Variants in MCC observed in about 807,000 individuals in gnomAD.
MCC encodes the protein colorectal mutant cancer protein.
A neutral mutation model predicts 116.2 loss-of-function variants in MCC; 90 were observed. That is an observed-to-expected ratio of 0.77 (90% CI 0.65 to 0.92). The LOEUF (loss-of-function observed/expected upper bound fraction) is 0.92, where lower values mean the gene tolerates loss of function less well. Among genes scored for constraint, MCC ranks in the 40% least tolerant of loss-of-function variants. MCC has a pLI of 0.00. For synonymous variants in MCC, 578 were observed against 510.5 expected, an observed-to-expected ratio of 1.13 and a Z score of -1.78; for missense variants, 1,516 against 1,312.2, an observed-to-expected ratio of 1.16 and a Z score of -2.40.
chr5:113,439,712 G>C (rs575702808), intron 1 of MCC, among the ~76,000 whole-genome samples: 10 of 152,278 alleles, frequency 6.6e-5, no homozygotes, highest in African/African-American at 1.9e-4. Context: ...TTGAGCCTCA[G>C]TATGTACATT....
intron 3 of MCC, chr5:113,203,096 G>T (rs1762754979): frequency 1.3e-5 from 2 of 152,194 alleles, no homozygotes; most frequent in Non-Finnish European, 2.9e-5. Flanking sequence ...AGGACCAGGG[G>T]CTGGACTTGG....
chr5:113,380,498 G>C (rs993619544), intron 2 of MCC, among the ~76,000 whole-genome samples: 2 of 125,050 alleles, frequency 1.6e-5, no homozygotes, highest in Non-Finnish European at 3.4e-5. Context: ...ACAGTGCATT[G>C]CTCATTCATT....
At chr5:113,353,115 C>G (rs1412786995) in intron 2 of MCC, among the ~76,000 whole-genome samples, 1 of 152,176 alleles carries the variant, frequency 6.6e-6, no homozygotes, top group Non-Finnish European at 1.5e-5. Flanking sequence ...TCTGTATCTT[C>G]TGACATGATG....
At chr5:113,042,056 A>G (rs1182391001) in intron 17 of MCC, among the ~76,000 whole-genome samples, 1 of 152,150 alleles carries the variant, frequency 6.6e-6, no homozygotes, top group Non-Finnish European at 1.5e-5. Flanking sequence ...ACAAGAATGA[A>G]CACACAAACA....
intron 1 of MCC, among the ~76,000 whole-genome samples, chr5:113,393,389 T>G (rs1769448928): frequency 6.6e-6 from 1 of 152,184 alleles, no homozygotes; most frequent in Admixed American, 6.5e-5. Context: ...TTTAAAATAA[T>G]GTCATTCATA....
chr5:113,291,850 T>C (rs1310012274), intron 3 of MCC, among the ~76,000 whole-genome samples: 1 of 152,230 alleles, frequency 6.6e-6, no homozygotes, highest in African/African-American at 2.4e-5. Context: ...GATACTGCTC[T>C]GTGGATATTA....
At chr5:113,483,006 C>T (rs1772419501) in intron 1 of MCC, among the ~76,000 whole-genome samples, 1 of 152,140 alleles carries the variant, frequency 6.6e-6, no homozygotes, top group African/African-American at 2.4e-5. Context: ...CTCAAAAAGA[C>T]TATTTTTTCC....
At chr5:113,063,767 T>C (rs562589508) in intron 14 of MCC, among the ~76,000 whole-genome samples, 9 of 152,264 alleles carry the variant, frequency 5.9e-5, no homozygotes, top group Non-Finnish European at 1.2e-4. Context: ...CAATCTCGAC[T>C]GCAGTTTCCA....
intron 16 of MCC, chr5:113,044,429 G>C (rs375752679): frequency 4.3e-6 from 4 of 933,550 alleles, no homozygotes; most frequent in Admixed American, 6.2e-5. Context: ...CATGCACAGA[G>C]AGGACAGCAG....
At chr5:113,461,881 C>T (rs984299808) in intron 1 of MCC, among the ~76,000 whole-genome samples, 1 of 151,956 alleles carries the variant, frequency 6.6e-6, no homozygotes, top group African/African-American at 2.4e-5. Flanking sequence ...AAGGTTTTCC[C>T]ATCCCATGCC....
chr5:113,400,413 G>A (rs114451957), intron 1 of MCC, among the ~76,000 whole-genome samples: 5,384 of 152,134 alleles, frequency 0.035, 129 homozygotes, highest in East Asian at 0.075. Context: ...GTGAGTCACC[G>A]CGCATGGCCT....
At chr5:113,131,199 A>C (rs932649103) in intron 5 of MCC, among the ~76,000 whole-genome samples, 1 of 152,318 alleles carries the variant, frequency 6.6e-6, no homozygotes, top group Middle Eastern at 3.4e-3. Flanking sequence ...AGAAAAGAAA[A>C]TAACCTCCTT....
At chr5:113,207,077 G>T (rs1020130236) in intron 3 of MCC, among the ~76,000 whole-genome samples, 1 of 152,186 alleles carries the variant, frequency 6.6e-6, no homozygotes, top group Non-Finnish European at 1.5e-5. Context: ...GCAAAGATAC[G>T]TAAAACAGAG....
chr5:113,354,214 A>G (rs1316752808), intron 2 of MCC, among the ~76,000 whole-genome samples: 1 of 152,118 alleles, frequency 6.6e-6, no homozygotes, highest in Non-Finnish European at 1.5e-5. Flanking sequence ...CTGGCAATTG[A>G]ATGCTCTGTT....
chr5:113,175,324 G>C (rs892292951), intron 3 of MCC, among the ~76,000 whole-genome samples: 1 of 152,170 alleles, frequency 6.6e-6, no homozygotes, highest in Admixed American at 6.5e-5. Context: ...CTTAAAGCTG[G>C]AAAGAGGTAC....
At chr5:113,228,353 G>A (rs577706783) in intron 3 of MCC, among the ~76,000 whole-genome samples, 33 of 152,196 alleles carry the variant, frequency 2.2e-4, no homozygotes, top group African/African-American at 7.2e-4. Context: ...ACCACCCCCC[G>A]AATGGTGCTG....
intron 3 of MCC, among the ~76,000 whole-genome samples, chr5:113,268,420 A>G (rs917418034): frequency 2.6e-5 from 4 of 152,210 alleles, no homozygotes; most frequent in Admixed American, 6.5e-5. Flanking sequence ...TACCACTGTC[A>G]TCAATTTCCC....
At chr5:113,218,392 C>A (rs1011173005) in intron 3 of MCC, among the ~76,000 whole-genome samples, 1 of 152,160 alleles carries the variant, frequency 6.6e-6, no homozygotes, top group Non-Finnish European at 1.5e-5. Context: ...GGGTAAAGGG[C>A]ACCTGTGATC....
intron 3 of MCC, among the ~76,000 whole-genome samples, chr5:113,339,672 T>C (rs1767962771): frequency 6.6e-6 from 1 of 152,232 alleles, no homozygotes; most frequent in Non-Finnish European, 1.5e-5. Context: ...TAATTATTGT[T>C]GCCATATTTA....
Sources: gnomAD v4.1 joint callset for allele counts (sites outside exome capture counted in the v4.1 genomes callset) on GRCh38, gnomAD v4.1.1 for gene constraint, MANE v1.5 for transcripts, NCBI Gene and HGNC (gene_info 2026-07-23, HGNC 2026-07-21) for gene names.